Variants in DDIT3 observed in about 807,000 individuals in gnomAD.
DDIT3 encodes DNA damage-inducible transcript 3 protein.
A neutral mutation model predicts 17.6 loss-of-function variants in DDIT3; 14 were observed. That is an observed-to-expected ratio of 0.80 (90% CI 0.53 to 1.25). The LOEUF (loss-of-function observed/expected upper bound fraction) is 1.25. Ranked by LOEUF, DDIT3 falls within the 50% of genes most tolerant of loss-of-function variation. The probability of loss-of-function intolerance (pLI) is 0.00; values close to 1 mark genes in which losing one functional copy is unlikely to be tolerated. For synonymous variants in DDIT3, 93 were observed against 76.5 expected, an observed-to-expected ratio of 1.22 and a Z score of -1.13; for missense variants, 216 against 202.7, an observed-to-expected ratio of 1.07 and a Z score of -0.40.
chr12:57,516,987 G>T lies in DDIT3; in HGVS notation c.332C>A (p.Ser111Tyr), dbSNP rs267603607. The change falls in exon 4 of 4, where the codon TCC becomes TAC. Residue 111 changes from serine (S) to tyrosine (Y), a missense_variant. Transcript: ENST00000346473. ...RTRKRKQSGH[S>Y]PARAGKQRMK... Reference sequence around the variant, plus strand: ...GCGCTGCTTTCCAGCCCGGGCTGGGGAATGACCACTCTGTTTCCGTTTCCT... The same window carrying T: ...GCGCTGCTTTCCAGCCCGGGCTGGGTAATGACCACTCTGTTTCCGTTTCCT... The T allele has an allele frequency of 9.9e-6, 16 of 1,614,134 alleles. No homozygotes were observed. Among genetic ancestry groups the T allele is most frequent in the Middle Eastern group, 1.6e-4 (1 of 6,062 alleles).
intron 1 of DDIT3, among the ~76,000 whole-genome samples, chr12:57,519,663 G>A (rs751192968): frequency 2.2e-4 from 33 of 152,234 alleles, no homozygotes; most frequent in Non-Finnish European, 2.9e-4. Flanking sequence ...AGGTCAGAAG[G>A]CTGCAGAGCC....
intron 1 of DDIT3, chr12:57,519,247 A>C (rs746653462): frequency 1.9e-6 from 1 of 530,920 alleles, no homozygotes; most frequent in South Asian, 1.4e-5. Context: ...TTTTGAGTGG[A>C]GGAATTACCT....
At chr12:57,519,145 C>T (rs778345929) in intron 1 of DDIT3, 2 of 533,262 alleles carry the variant, frequency 3.8e-6, no homozygotes, top group Non-Finnish European at 7.7e-6. Flanking sequence ...ATTCACCATA[C>T]AGCAGCCTGA....
intron 1 of DDIT3, among the ~76,000 whole-genome samples, chr12:57,519,759 G>A (rs1344594935): frequency 6.6e-6 from 1 of 152,212 alleles, no homozygotes; most frequent in East Asian, 1.9e-4. Flanking sequence ...AATCCCGAGG[G>A]AAGGACAATA....
intron 1 of DDIT3, among the ~76,000 whole-genome samples, chr12:57,518,271 TAA>T (rs1217876806): frequency 6.6e-6 from 1 of 152,202 alleles, no homozygotes; most frequent in African/African-American, 2.4e-5. Flanking sequence ...CCTGGTTACA[TAA>T]TAGTAAAGTC....
chr12:57,518,937 G>A (rs1376709181), intron 1 of DDIT3, among the ~76,000 whole-genome samples: 2 of 152,178 alleles, frequency 1.3e-5, no homozygotes, highest in African/African-American at 2.4e-5. Context: ...TGGGATTACA[G>A]GTGTGAGCCA....
chr12:57,517,150 G>T lies in DDIT3; in HGVS notation c.169C>A (p.Pro57Thr), dbSNP rs1490608685. Residue 57 changes from proline to threonine, a missense_variant, in exon 4 of 4, where the codon CCT (proline) becomes ACT (threonine). Physicochemically the swap from Pro to Thr is conservative, Grantham distance 38 (BLOSUM62 -1). Coordinates refer to ENST00000346473, the MANE Select transcript of DDIT3 (RefSeq NM_004083.6). ...TCAGTCAGCCAAGCCAGAGAAGCAG[G>T]GTCAAGAGTGGTGAAGATTTTTGAT... is the stretch of plus-strand genomic sequence containing the variant. ...EESKIFTTLD[P>T]ASLAWLTEEE... 1 of 1,609,218 alleles carries T rather than the reference G, an allele frequency of 6.2e-7. No individual in the cohort carries two copies.
In DDIT3 at chr12:57,517,766, AAG is replaced by A. The variant is rs1877980733; in HGVS notation, c.-80-15_-80-14del. The A allele has an allele frequency of 4.6e-6, 2 of 432,656 alleles. No homozygotes were observed. The highest frequency in any genetic ancestry group is 8.1e-6 in the Non-Finnish European group (2 of 245,650). 26.8% of individuals were successfully genotyped at this position (432,656 alleles called of 1,614,324 possible). ...TCCTTCTTGAACACTGTGGGCAACA[AAG>A]AGAAATGTCAGCCATTTTTGGAAGG... is the stretch of plus-strand genomic sequence containing the variant. On this transcript the variant is annotated splice_polypyrimidine_tract_variant and intron_variant, in intron 1 of 3. Transcript: ENST00000346473.
chr12:57,516,590 G>C, downstream of DDIT3: 1 of 1,563,628 alleles, frequency 6.4e-7, no homozygotes, highest in Non-Finnish European at 8.6e-7. Context: ...AAAAGACCTT[G>C]GCTCATAGAA....
At chr12:57,519,877 T>C (rs1329937057) in intron 1 of DDIT3, among the ~76,000 whole-genome samples, 1 of 152,204 alleles carries the variant, frequency 6.6e-6, no homozygotes, top group Non-Finnish European at 1.5e-5. Context: ...CCACTCCCTG[T>C]CCATCGGCAC....
chr12:57,518,804 A>G (rs906004039), intron 1 of DDIT3, among the ~76,000 whole-genome samples: 7 of 152,132 alleles, frequency 4.6e-5, no homozygotes, highest in Non-Finnish European at 1.5e-5. Flanking sequence ...GATTACAGGC[A>G]TGCACTGCCA....
intron 1 of DDIT3, 40 bp from the exon 2 acceptor site, chr12:57,517,793 G>A (rs1677066594): frequency 4.7e-6 from 2 of 429,088 alleles, no homozygotes; most frequent in Non-Finnish European, 4.1e-6. Flanking sequence ...TTTTTGGAAG[G>A]GGGAGAGGCA....
chr12:57,516,874 T>G lies in DDIT3; in HGVS notation c.445A>C (p.Thr149Pro). ...CGGCGAGTCGCCTCTACTTCCCTGG[T>G]CAGGCGCTCGATTTCCTGCTTGAGC... Reference protein sequence around the residue: ...ERLKQEIERLTREVEATRRAL... With the variant: ...ERLKQEIERLPREVEATRRAL... Residue 149 changes from threonine (T) to proline (P), a missense_variant, in exon 4 of 4, where the codon ACC (threonine) becomes CCC (proline). Transcript: ENST00000346473. 6.2e-7 allele frequency: 1 copy of G among 1,613,746 alleles called. No homozygotes were observed. Among genetic ancestry groups the G allele is most frequent in the Non-Finnish European group, 8.5e-7 (1 of 1,180,038 alleles).
chr12:57,518,645 G>C (rs1442234967), intron 1 of DDIT3, among the ~76,000 whole-genome samples: 1 of 152,102 alleles, frequency 6.6e-6, no homozygotes, highest in Non-Finnish European at 1.5e-5. Flanking sequence ...GCAATCCAAA[G>C]TACTAGCAAA....
At chr12:57,517,574 A>G in intron 2 of DDIT3, 132 bp downstream of exon 2, 1 of 911,904 alleles carries the variant, frequency 1.1e-6, no homozygotes, top group Non-Finnish European at 1.7e-6. Context: ...TTATTTACAT[A>G]TTGTTTATGG....
At position 57,517,695 on chromosome 12, in the gene DDIT3, G is replaced by A; in HGVS notation, c.-33+11C>T. 1 of 570,492 alleles carries A rather than the reference G, an allele frequency of 1.8e-6. No individual in the cohort carries two copies. 35.3% of individuals were successfully genotyped at this position (570,492 alleles called of 1,614,324 possible). A position where few individuals can be genotyped will look rare whatever the true frequency, so the allele number is the denominator to read the frequency against. On this transcript the variant is annotated intron_variant, in intron 2 of 3. Coordinates refer to ENST00000346473, the MANE Select transcript of DDIT3 (RefSeq NM_004083.6). Reference sequence around the variant, plus strand: ...GTTTAAAATTTTTGGAAAAGGGTAGGTTAAGTTTACCTGCTTTCAGGTGTG... The same window carrying A: ...GTTTAAAATTTTTGGAAAAGGGTAGATTAAGTTTACCTGCTTTCAGGTGTG...
At chr12:57,517,502 G>A in intron 2 of DDIT3, 64 bp from the exon 3 acceptor site, 1 of 1,575,540 alleles carries the variant, frequency 6.3e-7, no homozygotes, top group Non-Finnish European at 8.6e-7. Flanking sequence ...GCCACAAGTT[G>A]GCAAGCTGGT....
Position 57,520,510 on chromosome 12 carries a change from C to G in DDIT3, c.-173G>C, listed in dbSNP as rs1878234033. On this transcript the variant is annotated 5_prime_UTR_variant, in exon 1 of 4. Transcript: ENST00000346473. Reference sequence around the variant, plus strand: ...CGCTCAGTGCCTTAGACTTAAGTCTCTGACCTCGGGAGCGCCTGGCTGTAA... The same window carrying G: ...CGCTCAGTGCCTTAGACTTAAGTCTGTGACCTCGGGAGCGCCTGGCTGTAA... The G allele has an allele frequency of 2.5e-6, 1 of 398,498 alleles. No individual in the cohort carries two copies. Among genetic ancestry groups the G allele is most frequent in the South Asian group, 1.3e-4 (1 of 7,872 alleles). The allele number at this position is 398,498 out of a possible 1,614,324, so 24.7% of individuals were successfully genotyped here. A position where few individuals can be genotyped will look rare whatever the true frequency, so the allele number is the denominator to read the frequency against.
At position 57,517,255 on chromosome 12, in the gene DDIT3, G is replaced by A; in HGVS notation, c.138+14C>T. 6.2e-7 allele frequency: 1 copy of A among 1,613,838 alleles called. No homozygotes were observed. The highest frequency in any genetic ancestry group is 8.5e-7 in the Non-Finnish European group (1 of 1,179,762). ...GGTAACATCCCCCTTTAGCTTTAGG[G>A]CTAACATTCTTACCTCTTCATTTCC... On this transcript the variant is annotated intron_variant, in intron 3 of 3. Transcript: ENST00000346473.
Sources: gnomAD v4.1 joint callset for allele counts (sites outside exome capture counted in the v4.1 genomes callset) on GRCh38, gnomAD v4.1.1 for gene constraint, MANE v1.5 for transcripts, NCBI Gene and HGNC (gene_info 2026-07-23, HGNC 2026-07-21) for gene names.